Variants in ITPR2 observed in about 807,000 individuals in gnomAD.
ITPR2 encodes inositol 1,4,5-trisphosphate-gated calcium channel ITPR2.
Under a neutral mutation model 317.1 loss-of-function variants are expected in ITPR2, and 207 were observed. The observed-to-expected ratio is 0.65, with a 90% CI of 0.58 to 0.73. The LOEUF (loss-of-function observed/expected upper bound fraction) is 0.73, where lower values mean the gene tolerates loss of function less well. Among genes scored for constraint, ITPR2 ranks in the 30% least tolerant of loss-of-function variants. The pLI is 0.00. For missense variants in ITPR2, 2,613 were observed against 3,284.0 expected (o/e 0.80, Z 4.99); for synonymous variants, 1,156 against 1,149.1 (o/e 1.01, Z -0.12).
chr12:26,815,922 C>A (rs1457667089), intron 1 of ITPR2, among the ~76,000 whole-genome samples: 1 of 151,474 alleles, frequency 6.6e-6, no homozygotes, highest in African/African-American at 2.4e-5. Flanking sequence ...TGAAACCCCA[C>A]CTCCACTAAA....
chr12:26,705,616 C>T (rs1410338696), intron 9 of ITPR2, among the ~76,000 whole-genome samples: 1 of 152,216 alleles, frequency 6.6e-6, no homozygotes, highest in Non-Finnish European at 1.5e-5. Context: ...TTCATCCAGA[C>T]ATTTTATAAG....
At position 26,435,108 on chromosome 12, in the gene ITPR2, A is replaced by T. The variant is rs551607163; in HGVS notation, c.6769+1113T>A. Among the ~76,000 whole-genome samples, 8 of 152,278 alleles carry T rather than the reference A, an allele frequency of 5.3e-5. No individual in the cohort carries two copies. In the South Asian group the frequency reaches 1.2e-3, roughly 24 times the overall value. The stretch of plus-strand genomic sequence containing the variant: ...ACAGTGGTTATTCATGACTACTCAG[A>T]TTACAGCTAAAGTTTAGAACTTTGA... On this transcript the variant is annotated intron_variant, in intron 48 of 56. Transcript: ENST00000381340.
At chr12:26,411,966 G>A (rs1940564407) in intron 51 of ITPR2, among the ~76,000 whole-genome samples, 1 of 152,122 alleles carries the variant, frequency 6.6e-6, no homozygotes. Context: ...CTGCTTCCTG[G>A]CTCACCACCT....
At chr12:26,344,733 T>G (rs1324012393) in intron 55 of ITPR2, among the ~76,000 whole-genome samples, 1 of 152,224 alleles carries the variant, frequency 6.6e-6, no homozygotes, top group Non-Finnish European at 1.5e-5. Context: ...TGTTAGGCAC[T>G]GGGAAAACAA....
chr12:26,415,567 T>TAATTAC, intron 50 of ITPR2, 69 bp from the exon 51 acceptor site: 1 of 1,095,912 alleles, frequency 9.1e-7, no homozygotes, highest in Non-Finnish European at 1.3e-6. Flanking sequence ...AACAAAAATA[T>TAATTAC]AATTACAAAT....
At position 26,387,300 on chromosome 12, in the gene ITPR2, A is replaced by T. The variant is rs1466424272; in HGVS notation, c.7857+134T>A. 19 of 829,402 alleles carry T rather than the reference A, an allele frequency of 2.3e-5. No individual in the cohort carries two copies. The Admixed American group carries it at 2.5e-4, about 11-fold the overall frequency. The allele number at this position is 829,402 out of a possible 1,614,324, so 51.4% of individuals were successfully genotyped here. On this transcript the variant is annotated intron_variant, in intron 55 of 56. Transcript: ENST00000381340. Reference sequence around the variant, plus strand: ...TAGTCAGTGTAGATGTTCTTCAGTGATTGACAGGCCTATTTAAATGTTAAC... The same window carrying T: ...TAGTCAGTGTAGATGTTCTTCAGTGTTTGACAGGCCTATTTAAATGTTAAC...
intron 24 of ITPR2, chr12:26,623,357 G>GT (rs1565647728): frequency 1.3e-5 from 2 of 152,136 alleles, no homozygotes; most frequent in East Asian, 3.8e-4. Context: ...CTTAGTAGCC[G>GT]TATCAGTCAT....
intron 21 of ITPR2, among the ~76,000 whole-genome samples, chr12:26,651,191 G>C (rs1457842077): frequency 6.6e-6 from 1 of 151,922 alleles, no homozygotes; most frequent in East Asian, 1.9e-4. Flanking sequence ...CCATTTTCTT[G>C]TTTTTCTTCT....
intron 37 of ITPR2, among the ~76,000 whole-genome samples, chr12:26,500,994 T>A (rs900475914): frequency 6.6e-6 from 1 of 152,130 alleles, no homozygotes; most frequent in African/African-American, 2.4e-5. Context: ...ATGTAAAATA[T>A]AATCAAGATA....
At chr12:26,415,610 G>A in intron 50 of ITPR2, 112 bp from the exon 51 acceptor site, 1 of 680,916 alleles carries the variant, frequency 1.5e-6, no homozygotes, top group South Asian at 3.6e-5. Flanking sequence ...TATATATAAA[G>A]AAATAACCTA....
chr12:26,405,719 C>T (rs1051150103), intron 52 of ITPR2, among the ~76,000 whole-genome samples: 1 of 152,092 alleles, frequency 6.6e-6, no homozygotes, highest in Admixed American at 6.6e-5. Flanking sequence ...TGCAAATGAA[C>T]ACCTCTTGTG....
chr12:26,811,853 GAAAAAAA>G (rs35083731), intron 1 of ITPR2, among the ~76,000 whole-genome samples: 2 of 71,916 alleles, frequency 2.8e-5, no homozygotes, highest in Admixed American at 1.7e-4. Flanking sequence ...GACTCCGTCT[GAAAAAAA>G]AAAAAAAAAA....
At chr12:26,515,752 C>T (rs1203906383) in intron 37 of ITPR2, among the ~76,000 whole-genome samples, 1 of 151,860 alleles carries the variant, frequency 6.6e-6, no homozygotes, top group Non-Finnish European at 1.5e-5. Flanking sequence ...CCAAGAAACA[C>T]CAAAGCCGCA....
intron 2 of ITPR2, among the ~76,000 whole-genome samples, chr12:26,730,830 C>G (rs1949014681): frequency 6.6e-6 from 1 of 152,216 alleles, no homozygotes; most frequent in Non-Finnish European, 1.5e-5. Flanking sequence ...GAAAGCCACT[C>G]AAATGGTATG....
chr12:26,480,329 C>A (rs946016938), intron 43 of ITPR2, among the ~76,000 whole-genome samples: 4 of 152,088 alleles, frequency 2.6e-5, no homozygotes, highest in African/African-American at 9.7e-5. Flanking sequence ...AAAGAAACCT[C>A]TTAAAGACAG....
intron 55 of ITPR2, among the ~76,000 whole-genome samples, chr12:26,350,140 CT>C (rs1221194252): frequency 6.6e-6 from 1 of 152,126 alleles, no homozygotes; most frequent in Non-Finnish European, 1.5e-5. Context: ...CTGAAGGCCC[CT>C]ATCCCTACTG....
intron 40 of ITPR2, chr12:26,486,782 G>A: frequency 1.7e-6 from 1 of 600,432 alleles, no homozygotes; most frequent in Non-Finnish European, 3.1e-6. Flanking sequence ...TCATTTTCAT[G>A]GTCACTTAAA....
chr12:26,515,318 CTACAGTGATTTTCTGGGGCAAGTG>C (rs1185522736), intron 37 of ITPR2, among the ~76,000 whole-genome samples: 1 of 152,226 alleles, frequency 6.6e-6, no homozygotes, highest in East Asian at 1.9e-4. Context: ...CTCTCATTTT[CTACAGTGATTTTCTGGGGCAAGTG>C]TGAACATTAT....
chr12:26,474,496 T>C (rs563348659), intron 45 of ITPR2, among the ~76,000 whole-genome samples: 1 of 152,302 alleles, frequency 6.6e-6, no homozygotes, highest in Admixed American at 6.5e-5. Flanking sequence ...AAACAGTTCC[T>C]TCAAAAGAAT....
Sources: allele counts gnomAD v4.1 joint callset (sites outside exome capture counted in the v4.1 genomes callset), GRCh38; gene constraint gnomAD v4.1.1; transcripts MANE v1.5; gene names NCBI Gene and HGNC (gene_info 2026-07-23, HGNC 2026-07-21).